The following RRP1 variants were observed in gnomAD, a reference collection of about 807,000 sequenced individuals.
RRP1 encodes ribosomal RNA processing protein 1 homolog A.
Under a neutral mutation model 54.6 loss-of-function variants are expected in RRP1, and 37 were observed. The observed-to-expected ratio is 0.68, with a 90% CI of 0.52 to 0.89. RRP1 has a LOEUF of 0.89. RRP1 is among the 40% of genes least tolerant of loss of function. The pLI is 0.00. For synonymous variants in RRP1, 262 were observed against 244.3 expected (o/e 1.07, Z -0.67); for missense variants, 639 against 612.5 (o/e 1.04, Z -0.46).
intron 6 of RRP1, 30 bp from the exon 7 acceptor site, chr21:43,797,601 G>GA: frequency 6.2e-7 from 1 of 1,614,142 alleles, no homozygotes; most frequent in East Asian, 2.2e-5. Context: ...TGTGGAGGAG[G>GA]AACTGAGCTC....
chr21:43,800,456 G>T lies in RRP1; in HGVS notation c.892-61G>T, dbSNP rs993531282. The T allele has an allele frequency of 2.6e-6, 4 of 1,540,256 alleles. No homozygotes were observed. The Admixed American group carries it at 5.1e-5, about 20-fold the overall frequency. On this transcript the variant is annotated intron_variant, in intron 9 of 12. Transcript: ENST00000497547. ...GCTATCTGGGTCTCAGGGGTTCCAC[G>T]TTCTCGGAGCACGCAGAGCGTGGCT...
intron 5 of RRP1, among the ~76,000 whole-genome samples, chr21:43,796,924 G>A (rs527608354): frequency 5.3e-5 from 8 of 152,304 alleles, no homozygotes; most frequent in South Asian, 2.1e-4. Flanking sequence ...GGAATGCGTC[G>A]TGCGGCAGGG....
At chr21:43,797,828 G>C (rs2085038186) in intron 7 of RRP1, 79 bp from the exon 8 acceptor site, 7 of 1,567,400 alleles carry the variant, frequency 4.5e-6, no homozygotes, top group Non-Finnish European at 6.1e-6. Context: ...GGTGGGGAGA[G>C]GTTGCAGGGG....
chr21:43,797,263 A>G, intron 5 of RRP1, 159 bp from the exon 6 acceptor site: 3 of 1,261,138 alleles, frequency 2.4e-6, no homozygotes, highest in Non-Finnish European at 3.2e-6. Context: ...AGGATCGTTG[A>G]TATCATCTGC....
In RRP1 at chr21:43,789,620, C is replaced by T. The variant is rs765070308; in HGVS notation, c.-10C>T. 1.2e-5 allele frequency: 19 copies of T among 1,586,408 alleles called. No homozygotes were observed. The highest frequency in any genetic ancestry group is 1.0e-4 in the South Asian group (9 of 87,582). ...CGACTCCGGGACAGGGGGTCTCGGC[C>T]GTCGGCGTCATGGTTTCGCGCGTGC... On this transcript the variant is annotated 5_prime_UTR_variant, in exon 1 of 13. Transcript: ENST00000497547.
chr21:43,802,237 C>T (rs1207039625), intron 11 of RRP1, 37 bp from the exon 12 acceptor site: 3 of 1,490,144 alleles, frequency 2.0e-6, no homozygotes, highest in Non-Finnish European at 2.8e-6. Flanking sequence ...AAGTCCCCAG[C>T]CCCCGAGAGC....
intron 5 of RRP1, 43 bp from the exon 6 acceptor site, chr21:43,797,379 G>C: frequency 6.3e-7 from 1 of 1,579,518 alleles, no homozygotes; most frequent in African/African-American, 1.3e-5. Context: ...CTGTCTTGGG[G>C]CTCATCGAGG....
chr21:43,798,348 C>T (rs947579298), intron 8 of RRP1, among the ~76,000 whole-genome samples: 8 of 152,178 alleles, frequency 5.3e-5, no homozygotes, highest in Non-Finnish European at 1.2e-4. Context: ...CGGTCTAACG[C>T]ATGCCTCTGG....
At chr21:43,802,488 T>G (rs1183331328) in intron 12 of RRP1, 101 bp downstream of exon 12, 5 of 910,686 alleles carry the variant, frequency 5.5e-6, no homozygotes, top group Non-Finnish European at 8.9e-6. Context: ...GAAGCATGAG[T>G]GCCGAGTCCC....
In RRP1 at chr21:43,797,539, G is replaced by A; in HGVS notation, c.540G>A (p.Val180=). 1 of 1,613,972 alleles carries A rather than the reference G, an allele frequency of 6.2e-7. No individual in the cohort carries two copies. The highest frequency in any genetic ancestry group is 8.5e-7 in the Non-Finnish European group (1 of 1,179,876). ...TCTTCCTGGAGGAGCTGACCAAAGT[G>A]GGCGCCGAGGAGGTGAGGCTGGGCT... ...IEIFLEELTK[V]GAEELTADQN... The change falls in exon 6 of 13, where the codon GTG becomes GTA. Residue 180 remains valine (V), a synonymous_variant. Coordinates refer to ENST00000497547, the MANE Select transcript of RRP1 (RefSeq NM_003683.6).
At chr21:43,795,903 A>G (rs2085014493) in intron 5 of RRP1, among the ~76,000 whole-genome samples, 1 of 152,200 alleles carries the variant, frequency 6.6e-6, no homozygotes, top group African/African-American at 2.4e-5. Context: ...GCACTTTGGG[A>G]GGCCGAGGCG....
chr21:43,802,460 C>A, intron 12 of RRP1, 73 bp downstream of exon 12: 1 of 1,166,106 alleles, frequency 8.6e-7, no homozygotes, highest in Non-Finnish European at 1.3e-6. Flanking sequence ...ATGGGGGTCA[C>A]CTGCAGTGTC....
intron 1 of RRP1, chr21:43,790,730 G>C: frequency 3.5e-6 from 1 of 287,256 alleles, no homozygotes. Flanking sequence ...TGGGACTACT[G>C]GCACCGTGCG....
In RRP1 at chr21:43,802,380, G is replaced by A. The variant is rs1392922506; in HGVS notation, c.1116G>A (p.Gln372=). ...AGAAGCGTCTGCTCAGGTTGCAGCA[G>A]GAGAGAGGTAGGACTAGGGGGTGTG... ...KKQKRLLRLQ[Q]ERGKGEKEPP... is the part of the protein sequence containing the mutation. Residue 372 remains glutamine (Q), a synonymous_variant, in exon 12 of 13, where the codon CAG becomes CAA. Coordinates refer to ENST00000497547, the MANE Select transcript of RRP1 (RefSeq NM_003683.6). 4 of 1,613,656 alleles carry A rather than the reference G, an allele frequency of 2.5e-6. No homozygotes were observed. The highest frequency in any genetic ancestry group is 2.5e-6 in the Non-Finnish European group (3 of 1,179,850).
At chr21:43,792,576 T>G in intron 2 of RRP1, 96 bp from the exon 3 acceptor site, 2 of 1,181,344 alleles carry the variant, frequency 1.7e-6, no homozygotes, top group South Asian at 2.5e-5. Context: ...CTGTGATGAG[T>G]GAGTGAGTGA....
Position 43,792,736 on chromosome 21 carries a change from A to T in RRP1, c.274+7A>T, listed in dbSNP as rs764866285. The T allele has an allele frequency of 1.2e-6, 2 of 1,613,874 alleles. No homozygotes were observed. Among genetic ancestry groups the T allele is most frequent in the Non-Finnish European group, 1.7e-6 (2 of 1,179,896 alleles). ...TTTCAGACCACGGAGGCGCGTGAGT[A>T]TGCTCTGCTGTAGTTGGGTGCATTT... On this transcript the variant is annotated splice_region_variant and intron_variant, in intron 3 of 12. Coordinates refer to ENST00000497547, the MANE Select transcript of RRP1 (RefSeq NM_003683.6).
At chr21:43,802,120 G>C (rs947387121) in intron 11 of RRP1, 154 bp from the exon 12 acceptor site, 7 of 608,286 alleles carry the variant, frequency 1.2e-5, no homozygotes, top group Non-Finnish European at 2.1e-5. Context: ...GCTGTGGCGG[G>C]TACTGAACAC....
In RRP1 at chr21:43,797,806, G is replaced by A. The variant is rs369404168; in HGVS notation, c.618-101G>A. ...GGGATGAATCTGTCTCAGAGTGGCC[G>A]CTGGCCGTGTGGGTGGGGAGAGGTT... On this transcript the variant is annotated intron_variant, in intron 7 of 12. Transcript: ENST00000497547. 2.3e-5 allele frequency: 36 copies of A among 1,558,634 alleles called. 1 individual carries two copies. In the Middle Eastern group the frequency reaches 1.4e-3, roughly 60 times the overall value.
intron 2 of RRP1, among the ~76,000 whole-genome samples, chr21:43,792,051 T>C (rs1400751323): frequency 6.6e-6 from 1 of 152,232 alleles, no homozygotes; most frequent in South Asian, 2.1e-4. Context: ...TCAAGTCTCC[T>C]GAGACAAGGA....
Sources: gnomAD v4.1 joint callset for allele counts (sites outside exome capture counted in the v4.1 genomes callset) on GRCh38, gnomAD v4.1.1 for gene constraint, MANE v1.5 for transcripts, NCBI Gene and HGNC (gene_info 2026-07-23, HGNC 2026-07-21) for gene names.